The following PAAF1 variants were observed in gnomAD, a reference collection of about 807,000 sequenced individuals.
The protein encoded by PAAF1 is proteasomal ATPase-associated factor 1.
A neutral mutation model predicts 52.8 loss-of-function variants in PAAF1; 46 were observed. That is an observed-to-expected ratio of 0.87 (90% CI 0.69 to 1.11). The LOEUF is 1.11. Ranked by LOEUF, PAAF1 falls within the 50% of genes most tolerant of loss-of-function variation. PAAF1 has a pLI of 0.00. For synonymous variants in PAAF1, 178 were observed against 172.8 expected (o/e 1.03, Z -0.24); for missense variants, 424 against 477.4 (o/e 0.89, Z 1.04).
At chr11:73,913,220 A>G (rs887420954) in intron 7 of PAAF1, among the ~76,000 whole-genome samples, 2 of 152,162 alleles carry the variant, frequency 1.3e-5, no homozygotes, top group African/African-American at 2.4e-5. Context: ...ATACTCCTGC[A>G]GGTCTTCACA....
chr11:73,914,518 A>T lies in PAAF1; in HGVS notation c.819+14A>T. 1 of 1,613,154 alleles carries T rather than the reference A, an allele frequency of 6.2e-7. No individual in the cohort carries two copies. The highest frequency in any genetic ancestry group is 2.2e-5 in the East Asian group (1 of 44,858). On this transcript the variant is annotated intron_variant, in intron 8 of 11. Transcript: ENST00000310571. ...AGCAGGCAGCTGGCAAGTGGTTCCTATATGACCTTTGAACTCTGAGGCAAC... is the reference window on the plus strand; with the variant it reads ...AGCAGGCAGCTGGCAAGTGGTTCCTTTATGACCTTTGAACTCTGAGGCAAC...
chr11:73,898,244 G>GGGAGAA (rs563498805), intron 4 of PAAF1, among the ~76,000 whole-genome samples: 4 of 136,506 alleles, frequency 2.9e-5, no homozygotes, highest in Non-Finnish European at 6.4e-5. Flanking sequence ...GAGAGGGAGA[G>GGGAGAA]GGAGAAGGAG....
rs918817559 is a variant in PAAF1, at chr11:73,913,692, TAAAAAAAGAAAA to T, written c.728-705_728-694del. On this transcript the variant is annotated intron_variant, in intron 7 of 11. Transcript: ENST00000310571. ...GATGTCATCACATAGAAGATGAGGGTAAAAAAAGAAAAAAAAAAAGAAAAAAAGAATAGTGCC... is the reference window on the plus strand; with the variant it reads ...GATGTCATCACATAGAAGATGAGGGTAAAAAAAGAAAAAAAGAATAGTGCC... Among the ~76,000 whole-genome samples the T allele has an allele frequency of 9.0e-4, 109 of 120,706 alleles. 1 individual carries two copies. Among genetic ancestry groups the T allele is most frequent in the African/African-American group, 3.2e-3 (83 of 25,958 alleles). 79.2% of individuals were successfully genotyped at this position (120,706 alleles called of 152,430 possible). A position where few individuals can be genotyped will look rare whatever the true frequency, so the allele number is the denominator to read the frequency against.
chr11:73,892,537 C>T (rs1949228153), intron 4 of PAAF1, among the ~76,000 whole-genome samples: 1 of 152,162 alleles, frequency 6.6e-6, no homozygotes, highest in African/African-American at 2.4e-5. Flanking sequence ...TGATTGCCTA[C>T]TATGAGCCAG....
intron 2 of PAAF1, among the ~76,000 whole-genome samples, chr11:73,884,734 A>C (rs967959057): frequency 1.1e-4 from 17 of 152,230 alleles, no homozygotes; most frequent in African/African-American, 4.1e-4. Flanking sequence ...CTCTAGGCCA[A>C]ACTTCTACCC....
intron 4 of PAAF1, among the ~76,000 whole-genome samples, chr11:73,891,792 A>G (rs1357242745): frequency 6.6e-6 from 1 of 152,088 alleles, no homozygotes; most frequent in Non-Finnish European, 1.5e-5. Context: ...ATAAATTTGT[A>G]ATAGTTGATG....
rs147008634 is a variant in PAAF1, at chr11:73,883,709, C to T, written c.89-3645C>T. ...TTTTTGTATTTTCAGTAGAGACGAA[C>T]GAGGTTTCGACATGTTGGCCAGGCT... is the stretch of plus-strand genomic sequence containing the variant. On this transcript the variant is annotated intron_variant, in intron 2 of 11. Transcript: ENST00000310571. Among the ~76,000 whole-genome samples, 57 of 152,020 alleles carry T rather than the reference C, an allele frequency of 3.7e-4. No homozygotes were observed. In the East Asian group the frequency reaches 7.0e-3, roughly 19 times the overall value.
At chr11:73,894,375 C>A (rs916266249) in intron 4 of PAAF1, among the ~76,000 whole-genome samples, 39 of 152,210 alleles carry the variant, frequency 2.6e-4, no homozygotes, top group African/African-American at 9.4e-4. Flanking sequence ...TGTAGTGGCT[C>A]ACACCTGTAA....
upstream of PAAF1, chr11:73,876,953 C>G: frequency 6.9e-7 from 1 of 1,439,774 alleles, no homozygotes; most frequent in Admixed American, 2.7e-5. Context: ...TCTGTCCTCG[C>G]CGCACGCTTC....
At chr11:73,906,229 C>G (rs755875274) in intron 6 of PAAF1, among the ~76,000 whole-genome samples, 10 of 152,076 alleles carry the variant, frequency 6.6e-5, no homozygotes, top group Admixed American at 1.3e-4. Flanking sequence ...CCGTTGCCAG[C>G]TGTATAAATT....
chr11:73,896,761 A>T (rs1460447969), intron 4 of PAAF1, among the ~76,000 whole-genome samples: 3 of 152,086 alleles, frequency 2.0e-5, no homozygotes, highest in African/African-American at 4.8e-5. Flanking sequence ...CCCCCTTTCT[A>T]TTCTACAAAA....
chr11:73,927,583 TCTC>T lies in PAAF1; in HGVS notation c.*224_*226del, dbSNP rs1950397890. ...TGTGCCCACTGCATTTGTTCCAACT[TCTC>T]CTTGTATAAACTCACCCCAGCAACA... On this transcript the variant is annotated 3_prime_UTR_variant, in exon 12 of 12. Coordinates refer to ENST00000310571, the MANE Select transcript of PAAF1 (RefSeq NM_025155.3). 6 of 585,000 alleles carry T rather than the reference TCTC, an allele frequency of 1.0e-5. No individual in the cohort carries two copies. Among genetic ancestry groups the T allele is most frequent in the Middle Eastern group, 4.5e-4 (1 of 2,226 alleles). The allele number at this position is 585,000 out of a possible 1,614,324, so 36.2% of individuals were successfully genotyped here. A position where few individuals can be genotyped will look rare whatever the true frequency, so the allele number is the denominator to read the frequency against.
intron 6 of PAAF1, among the ~76,000 whole-genome samples, chr11:73,901,198 T>TA (rs71469481): frequency 0.067 from 10,171 of 152,160 alleles, 398 homozygotes; most frequent in Middle Eastern, 0.1. Flanking sequence ...TCAGACATTA[T>TA]GATAGAGCTT....
At chr11:73,877,213 G>C in intron 1 of PAAF1, 145 bp downstream of exon 1, 2 of 838,836 alleles carry the variant, frequency 2.4e-6, no homozygotes, top group South Asian at 2.9e-5. Context: ...TCCGGAAAAA[G>C]AAGTATCAAA....
chr11:73,878,941 C>G, intron 2 of PAAF1, 122 bp downstream of exon 2: 1 of 811,962 alleles, frequency 1.2e-6, no homozygotes, highest in Non-Finnish European at 1.9e-6. Flanking sequence ...ACATGCTTGA[C>G]CAGTCTGTAC....
intron 6 of PAAF1, among the ~76,000 whole-genome samples, chr11:73,908,401 G>GTGTA (rs1565143969): frequency 6.8e-6 from 1 of 146,556 alleles, no homozygotes; most frequent in African/African-American, 2.6e-5. Context: ...ATATATATGT[G>GTGTA]TATATATATG....
chr11:73,892,375 A>G (rs898630595), intron 4 of PAAF1, among the ~76,000 whole-genome samples: 1 of 151,444 alleles, frequency 6.6e-6, no homozygotes, highest in African/African-American at 2.4e-5. Flanking sequence ...TTTCACCCTT[A>G]TTACAAAACA....
intron 6 of PAAF1, among the ~76,000 whole-genome samples, chr11:73,906,576 G>A (rs1026016004): frequency 3.3e-5 from 5 of 152,054 alleles, no homozygotes; most frequent in Non-Finnish European, 7.4e-5. Context: ...TTTTAAATTG[G>A]ATCTATTTGA....
intron 10 of PAAF1, among the ~76,000 whole-genome samples, chr11:73,920,217 T>C (rs1324824806): frequency 6.6e-6 from 1 of 152,022 alleles, no homozygotes; most frequent in Non-Finnish European, 1.5e-5. Flanking sequence ...AAATATAATA[T>C]TTTTTATATA....
Sources: allele counts gnomAD v4.1 joint callset (sites outside exome capture counted in the v4.1 genomes callset), GRCh38; gene constraint gnomAD v4.1.1; transcripts MANE v1.5; gene names NCBI Gene and HGNC (gene_info 2026-07-23, HGNC 2026-07-21).